MGST2: variants seen among roughly 807,000 people sequenced by gnomAD.
MGST2 encodes the protein glutathione peroxidase MGST2.
A neutral mutation model predicts 16.6 loss-of-function variants in MGST2; 9 were observed. The ratio of observed to expected loss-of-function variants is 0.54; its 90% CI spans 0.33 to 0.95. The LOEUF is 0.95. Among genes scored for constraint, MGST2 ranks in the 40% least tolerant of loss-of-function variants. The pLI is 0.03. For missense variants in MGST2, 159 were observed against 175.1 expected (o/e 0.91, Z 0.52); for synonymous variants, 79 against 68.0 (o/e 1.16, Z -0.79).
intron 1 of MGST2, among the ~76,000 whole-genome samples, chr4:139,666,956 T>A (rs1730387824): frequency 6.6e-6 from 1 of 152,238 alleles, no homozygotes. Context: ...TATGAAGATC[T>A]TGAACCTTCA....
chr4:139,676,628 T>G (rs985455588), intron 1 of MGST2, among the ~76,000 whole-genome samples: 2 of 152,146 alleles, frequency 1.3e-5, no homozygotes, highest in African/African-American at 4.8e-5. Context: ...ATTTCAATAT[T>G]AATCACATCT....
chr4:139,717,631 C>G (rs1164839911), intron 5 of MGST2: 1 of 152,674 alleles, frequency 6.5e-6, no homozygotes, highest in African/African-American at 2.4e-5. Context: ...ACACCTCTGC[C>G]CCCAGCTTTC....
At chr4:139,745,128 T>G (rs1579385266), downstream of MGST2, among the ~76,000 whole-genome samples, 1 of 149,380 alleles carries the variant, frequency 6.7e-6, no homozygotes, top group African/African-American at 2.5e-5. Flanking sequence ...TGGATTTGAG[T>G]GAGAAGAGAA....
chr4:139,732,511 C>T (rs912256838), intron 5 of MGST2, among the ~76,000 whole-genome samples: 1 of 151,940 alleles, frequency 6.6e-6, no homozygotes, highest in Non-Finnish European at 1.5e-5. Context: ...CTGGTTTGTT[C>T]GTGCAGTAGC....
At chr4:139,716,071 G>T (rs1358579226) in intron 5 of MGST2, among the ~76,000 whole-genome samples, 1 of 152,278 alleles carries the variant, frequency 6.6e-6, no homozygotes, top group East Asian at 1.9e-4. Context: ...GGTCTGGGGG[G>T]CACCTTTAAA....
intron 5 of MGST2, chr4:139,725,845 C>G (rs931035924): frequency 1.2e-6 from 2 of 1,613,040 alleles, no homozygotes; most frequent in East Asian, 2.2e-5. Context: ...GCTAGAACAA[C>G]AGAACACAAG....
chr4:139,738,786 A>C (rs568367015), intron 5 of MGST2, among the ~76,000 whole-genome samples: 14 of 152,340 alleles, frequency 9.2e-5, no homozygotes, highest in African/African-American at 3.1e-4. Context: ...CATTTTTTAC[A>C]CTCAAAGGTA....
chr4:139,711,335 A>G (rs1469123382), intron 5 of MGST2, among the ~76,000 whole-genome samples: 1 of 152,156 alleles, frequency 6.6e-6, no homozygotes, highest in Non-Finnish European at 1.5e-5. Flanking sequence ...TGCACGAGTG[A>G]GTGCTCAGTG....
intron 2 of MGST2, among the ~76,000 whole-genome samples, chr4:139,682,620 A>C (rs943522977): frequency 6.6e-6 from 1 of 152,198 alleles, no homozygotes; most frequent in African/African-American, 2.4e-5. Flanking sequence ...TTTAAGCAAA[A>C]GAGTGACATG....
Position 139,694,390 on chromosome 4 carries a change from C to G in MGST2, c.159-807C>G, listed in dbSNP as rs555394814. Among the ~76,000 whole-genome samples, 32 of 151,760 alleles carry G rather than the reference C, an allele frequency of 2.1e-4. 1 individual carries two copies. The highest frequency in any genetic ancestry group is 7.4e-5 in the Non-Finnish European group (5 of 67,970). On this transcript the variant is annotated intron_variant, in intron 2 of 4. Transcript: ENST00000265498. ...ACCTTCCACCAGGATCTACTCAAGA[C>G]CTCATCACACATTATGTTAAATTCT... is the stretch of plus-strand genomic sequence containing the variant.
At chr4:139,710,582 G>T (rs1429661991) in intron 5 of MGST2, among the ~76,000 whole-genome samples, 1 of 152,062 alleles carries the variant, frequency 6.6e-6, no homozygotes, top group Non-Finnish European at 1.5e-5. Context: ...TCTCTCCCAT[G>T]TTTTCTGGGA....
At chr4:139,726,976 G>T (rs1042330706) in intron 5 of MGST2, among the ~76,000 whole-genome samples, 1 of 152,192 alleles carries the variant, frequency 6.6e-6, no homozygotes, top group Admixed American at 6.5e-5. Context: ...TGCAGCTGCT[G>T]AATATTCATT....
At chr4:139,734,811 G>A (rs1220644397) in intron 5 of MGST2, among the ~76,000 whole-genome samples, 3 of 152,282 alleles carry the variant, frequency 2.0e-5, no homozygotes, top group Admixed American at 2.0e-4. Flanking sequence ...CTTGCTGGCG[G>A]CGAACCAAAG....
At chr4:139,682,560 G>A (rs1026738503) in intron 2 of MGST2, among the ~76,000 whole-genome samples, 3 of 152,340 alleles carry the variant, frequency 2.0e-5, no homozygotes, top group Non-Finnish European at 4.4e-5. Context: ...AAAGGCCACT[G>A]TAGGGGACTT....
downstream of MGST2, among the ~76,000 whole-genome samples, chr4:139,706,725 G>A (rs1156593379): frequency 3.3e-5 from 5 of 152,194 alleles, no homozygotes; most frequent in Admixed American, 2.6e-4. Context: ...GTGGAAATAA[G>A]CTATGGGTGT....
At chr4:139,676,375 GACAC>G (rs945142358) in intron 1 of MGST2, among the ~76,000 whole-genome samples, 2 of 152,102 alleles carry the variant, frequency 1.3e-5, no homozygotes, top group Non-Finnish European at 2.9e-5. Flanking sequence ...CTCACACATA[GACAC>G]ACACACGGAG....
downstream of MGST2, among the ~76,000 whole-genome samples, chr4:139,706,293 G>T (rs1235250239): frequency 6.6e-6 from 1 of 152,148 alleles, no homozygotes; most frequent in Non-Finnish European, 1.5e-5. Context: ...GTAGGAGGTT[G>T]TGAATCAAAG....
At chr4:139,709,130 C>T (rs1447391509), downstream of MGST2, among the ~76,000 whole-genome samples, 4 of 126,438 alleles carry the variant, frequency 3.2e-5, no homozygotes, top group Admixed American at 1.9e-4. Flanking sequence ...TCGCCCAGGC[C>T]GGAGTGCAGT....
chr4:139,691,212 C>T (rs137921741), intron 2 of MGST2, among the ~76,000 whole-genome samples: 22 of 152,306 alleles, frequency 1.4e-4, no homozygotes, highest in South Asian at 6.2e-4. Context: ...CAACTCTACC[C>T]CCTGTTCTCA....
Sources: gnomAD v4.1 joint callset for allele counts (sites outside exome capture counted in the v4.1 genomes callset) on GRCh38, gnomAD v4.1.1 for gene constraint, MANE v1.5 for transcripts, NCBI Gene and HGNC (gene_info 2026-07-23, HGNC 2026-07-21) for gene names.